LOC128462377: variants seen among roughly 807,000 people sequenced by gnomAD.
the LOC128462377 span, among the ~76,000 whole-genome samples, chr16:89,390,110 C>T: frequency 1.8e-5 from 1 of 54,364 alleles, no homozygotes; most frequent in Non-Finnish European, 3.2e-5. Context: ...ATCACTGGGG[C>T]GAACACCGAG....
chr16:89,374,860 A>C, the LOC128462377 span, among the ~76,000 whole-genome samples: 1 of 152,204 alleles, frequency 6.6e-6, no homozygotes, highest in Non-Finnish European at 1.5e-5. Context: ...CAACAAATAC[A>C]CTGAAAAACT....
chr16:89,343,300 A>G, the LOC128462377 span, among the ~76,000 whole-genome samples: 1 of 152,180 alleles, frequency 6.6e-6, no homozygotes, highest in South Asian at 2.1e-4. Flanking sequence ...GCCTGAGCGC[A>G]TTTTTTAAAA....
At chr16:89,338,989 G>C in the LOC128462377 span, among the ~76,000 whole-genome samples, 2 of 152,272 alleles carry the variant, frequency 1.3e-5, no homozygotes, top group South Asian at 2.1e-4. Flanking sequence ...TCACCACCGA[G>C]GGCCTCACTG....
the LOC128462377 span, among the ~76,000 whole-genome samples, chr16:89,376,622 G>C: frequency 6.6e-6 from 1 of 152,166 alleles, no homozygotes; most frequent in Non-Finnish European, 1.5e-5. Context: ...ATTTTTAGCA[G>C]AGACGAGGGT....
the LOC128462377 span, among the ~76,000 whole-genome samples, chr16:89,401,176 C>A: frequency 6.8e-6 from 1 of 146,614 alleles, no homozygotes; most frequent in Non-Finnish European, 1.5e-5. Flanking sequence ...TCATTGCAAC[C>A]TCTGCCTCCC....
the LOC128462377 span, among the ~76,000 whole-genome samples, chr16:89,390,364 G>T: frequency 1.2e-4 from 18 of 152,040 alleles, no homozygotes; most frequent in African/African-American, 3.6e-4. Flanking sequence ...AGTGTGGCGG[G>T]GAGCACTGAG....
At chr16:89,357,184 C>G in the LOC128462377 span, among the ~76,000 whole-genome samples, 1 of 152,198 alleles carries the variant, frequency 6.6e-6, no homozygotes. Context: ...CTACAACACA[C>G]CTTCGAAGAT....
chr16:89,339,980 G>C, the LOC128462377 span: 1 of 152,318 alleles, frequency 6.6e-6, no homozygotes, highest in East Asian at 1.9e-4. Flanking sequence ...TATCTGTGTG[G>C]ATACAGGCAG....
At chr16:89,371,127 C>T in the LOC128462377 span, among the ~76,000 whole-genome samples, 9 of 152,262 alleles carry the variant, frequency 5.9e-5, no homozygotes, top group African/African-American at 1.2e-4. Context: ...GAAGACGGGA[C>T]GAGCGTCTTG....
the LOC128462377 span, among the ~76,000 whole-genome samples, chr16:89,362,109 T>C: frequency 6.6e-6 from 1 of 152,236 alleles, no homozygotes; most frequent in Non-Finnish European, 1.5e-5. Context: ...CAACATGAGA[T>C]ACAATTATTT....
At chr16:89,387,867 T>TGGTGGTG in the LOC128462377 span, among the ~76,000 whole-genome samples, 1 of 149,988 alleles carries the variant, frequency 6.7e-6, no homozygotes, top group Non-Finnish European at 1.5e-5. Flanking sequence ...TAGCCAGGCG[T>TGGTGGTG]GGTGGTGGGT....
chr16:89,377,393 A>G, the LOC128462377 span, among the ~76,000 whole-genome samples: 8 of 150,022 alleles, frequency 5.3e-5, no homozygotes, highest in Non-Finnish European at 1.0e-4. Context: ...GGAGAAAACT[A>G]TGTCTGGAGG....
At chr16:89,412,600 T>A in the LOC128462377 span, 1 of 152,110 alleles carries the variant, frequency 6.6e-6, no homozygotes. Context: ...AAAGGTACAT[T>A]GGTGTTTTTG....
At chr16:89,370,160 T>A in the LOC128462377 span, among the ~76,000 whole-genome samples, 7 of 152,230 alleles carry the variant, frequency 4.6e-5, no homozygotes, top group Admixed American at 1.3e-4. Flanking sequence ...CTCTTTGCAT[T>A]CTTCCCCACG....
chr16:89,389,753 G>A, the LOC128462377 span, among the ~76,000 whole-genome samples: 425 of 151,318 alleles, frequency 2.8e-3, no homozygotes, highest in African/African-American at 9.7e-3. Flanking sequence ...GTGTGGCGGG[G>A]AGCACCGAGA....
the LOC128462377 span, among the ~76,000 whole-genome samples, chr16:89,340,528 G>T: frequency 6.6e-6 from 1 of 152,178 alleles, no homozygotes; most frequent in Non-Finnish European, 1.5e-5. Flanking sequence ...ACCTGCCTCG[G>T]CCTCCCAAAG....
the LOC128462377 span, among the ~76,000 whole-genome samples, chr16:89,325,656 C>T: frequency 1.3e-5 from 2 of 152,184 alleles, no homozygotes; most frequent in African/African-American, 4.8e-5. Flanking sequence ...GAAACGGGTT[C>T]TAAGTGAAGG....
the LOC128462377 span, among the ~76,000 whole-genome samples, chr16:89,383,795 T>C: frequency 1.3e-5 from 2 of 152,048 alleles, no homozygotes; most frequent in Non-Finnish European, 2.9e-5. Flanking sequence ...AAGAGCCCAA[T>C]CATGATAGCA....
chr16:89,394,103 C>G, the LOC128462377 span, among the ~76,000 whole-genome samples: 5 of 152,188 alleles, frequency 3.3e-5, no homozygotes, highest in African/African-American at 1.2e-4. Context: ...CCACCCATCA[C>G]AGTCCCAGGT....
Sources: gnomAD v4.1 joint callset for allele counts (sites outside exome capture counted in the v4.1 genomes callset) on GRCh38, gnomAD v4.1.1 for gene constraint, MANE v1.5 for transcripts.